The following TRPM6 variants were observed in gnomAD, a reference collection of about 807,000 sequenced individuals.
TRPM6 encodes the protein transient receptor potential cation channel subfamily M member 6.
A neutral mutation model predicts 247.6 loss-of-function variants in TRPM6; 111 were observed. The ratio of observed to expected loss-of-function variants is 0.45; its 90% confidence interval spans 0.38 to 0.52. TRPM6 has a LOEUF of 0.52. TRPM6 is among the 20% of genes least tolerant of loss of function. TRPM6 has a pLI of 0.00. For missense variants in TRPM6, 2,126 were observed against 2,421.5 expected, an observed-to-expected ratio of 0.88 and a Z score of 2.56; for synonymous variants, 892 against 853.8, an observed-to-expected ratio of 1.04 and a Z score of -0.78.
At chr9:74,862,849 CG>C (rs753663042) in intron 1 of TRPM6, among the ~76,000 whole-genome samples, 2 of 151,576 alleles carry the variant, frequency 1.3e-5, no homozygotes, top group Non-Finnish European at 2.9e-5. Flanking sequence ...GACGTGGTGT[CG>C]GGCGCCTATA....
intron 23 of TRPM6, among the ~76,000 whole-genome samples, chr9:74,776,327 C>A (rs542378698): frequency 2.0e-5 from 3 of 152,022 alleles, no homozygotes; most frequent in Admixed American, 2.0e-4. Flanking sequence ...AAAATGCCAA[C>A]ATTTTCAGTG....
chr9:74,728,476 C>T (rs1394513496), intron 37 of TRPM6, 131 bp from the exon 38 acceptor site: 1 of 700,160 alleles, frequency 1.4e-6, no homozygotes, highest in Non-Finnish European at 2.5e-6. Flanking sequence ...AAACAGAGCA[C>T]TTTGGGGAAA....
chr9:74,824,882 T>C (rs1587547140), intron 7 of TRPM6, among the ~76,000 whole-genome samples: 1 of 150,592 alleles, frequency 6.6e-6, no homozygotes, highest in East Asian at 1.9e-4. Context: ...ATAATGTGAG[T>C]CTTTTTTTTT....
intron 38 of TRPM6, among the ~76,000 whole-genome samples, chr9:74,727,130 C>T (rs1249462946): frequency 6.6e-6 from 1 of 152,052 alleles, no homozygotes; most frequent in Non-Finnish European, 1.5e-5. Flanking sequence ...ACCTGTAATC[C>T]CAGCACTTTG....
rs983293837 is a variant in TRPM6 at position 74,722,618 on chromosome 9, G to C, written c.*1995C>G. 2.6e-5 allele frequency: 4 copies of C among 152,176 alleles called. No individual in the cohort carries two copies. The highest frequency in any genetic ancestry group is 9.7e-5 in the African/African-American group (4 of 41,440). 9.4% of individuals were successfully genotyped at this position (152,176 alleles called of 1,614,324 possible). ...AAACTCTGCCTCTTTCCATAGTTGA[G>C]TGCAGCACTGAGGTGAGTACCAATT... is the stretch of plus-strand genomic sequence containing the variant. On this transcript the variant is annotated 3_prime_UTR_variant, in exon 39 of 39. Transcript: ENST00000360774.
chr9:74,750,968 C>A (rs1411643539), intron 29 of TRPM6, among the ~76,000 whole-genome samples: 1 of 152,118 alleles, frequency 6.6e-6, no homozygotes, highest in Non-Finnish European at 1.5e-5. Context: ...AGATATCAAA[C>A]AGAAAATGTA....
intron 23 of TRPM6, among the ~76,000 whole-genome samples, chr9:74,778,017 C>A (rs80179948): frequency 0.028 from 4,321 of 152,284 alleles, 191 homozygotes; most frequent in African/African-American, 0.093. Flanking sequence ...TACAAAATGC[C>A]GCTCAGCATG....
At chr9:74,852,344 C>A (rs1370890980) in intron 3 of TRPM6, among the ~76,000 whole-genome samples, 1 of 151,710 alleles carries the variant, frequency 6.6e-6, no homozygotes, top group African/African-American at 2.4e-5. Context: ...AGCATGTGCC[C>A]ACCACACTTA....
intron 3 of TRPM6, among the ~76,000 whole-genome samples, chr9:74,848,956 G>A (rs1379749979): frequency 6.6e-6 from 1 of 152,190 alleles, no homozygotes; most frequent in Non-Finnish European, 1.5e-5. Context: ...ACATGGTGGA[G>A]AAATGTGGCT....
At position 74,755,437 on chromosome 9, in the gene TRPM6, A is replaced by G. The variant is rs1181898654; in HGVS notation, c.4822T>C (p.Leu1608=). ...TVNACSQSDQ[L]NPEPGENSIS... is the part of the protein sequence containing the mutation. Reference sequence around the variant, plus strand: ...CTGTTTTCTCCTGGCTCTGGATTCAACTGGTCACTCTGAGAGCAGGCATTG... The same window carrying G: ...CTGTTTTCTCCTGGCTCTGGATTCAGCTGGTCACTCTGAGAGCAGGCATTG... Residue 1608 remains leucine (L), a synonymous_variant, in exon 28 of 39, where the codon TTG becomes CTG. Transcript: ENST00000360774. 2 of 1,614,046 alleles carry G rather than the reference A, an allele frequency of 1.2e-6. No homozygotes were observed. The highest frequency in any genetic ancestry group is 1.1e-5 in the South Asian group (1 of 91,084).
intron 20 of TRPM6, among the ~76,000 whole-genome samples, chr9:74,788,045 C>T (rs142901039): frequency 7.8e-4 from 118 of 151,886 alleles, no homozygotes; most frequent in African/African-American, 2.0e-3. Flanking sequence ...TAACTCATTA[C>T]GAACTAGAAA....
At chr9:74,783,305 A>G (rs1827528019) in intron 21 of TRPM6, among the ~76,000 whole-genome samples, 1 of 152,228 alleles carries the variant, frequency 6.6e-6, no homozygotes, top group Admixed American at 6.5e-5. Context: ...TCCATCTACT[A>G]AATGTACATC....
At chr9:74,837,974 C>T (rs1450440115) in intron 5 of TRPM6, among the ~76,000 whole-genome samples, 3 of 152,220 alleles carry the variant, frequency 2.0e-5, no homozygotes, top group Admixed American at 1.3e-4. Flanking sequence ...GTCTCGAACT[C>T]CTGAGCTCAG....
intron 37 of TRPM6, among the ~76,000 whole-genome samples, chr9:74,728,787 C>A (rs1001667895): frequency 3.9e-5 from 6 of 152,100 alleles, no homozygotes; most frequent in African/African-American, 1.4e-4. Flanking sequence ...TGTTTCAAAC[C>A]CAAATACTTT....
chr9:74,756,790 A>G (rs1217918342), intron 27 of TRPM6, among the ~76,000 whole-genome samples: 1 of 151,892 alleles, frequency 6.6e-6, no homozygotes, highest in Admixed American at 6.6e-5. Flanking sequence ...CAGAGGTTGC[A>G]ATAAGCTGAG....
chr9:74,855,655 T>C (rs780893673), intron 2 of TRPM6, 90 bp from the exon 3 acceptor site: 5 of 899,526 alleles, frequency 5.6e-6, no homozygotes, highest in Admixed American at 1.7e-5. Flanking sequence ...TTATTTTCCA[T>C]GATCTAGAAA....
At position 74,738,626 on chromosome 9, in the gene TRPM6, A is replaced by G. The variant is rs750923733; in HGVS notation, c.5571-14T>C. The G allele has an allele frequency of 1.9e-5, 30 of 1,612,846 alleles. No homozygotes were observed. The Admixed American group carries it at 5.0e-4, about 27-fold the overall frequency. ...ACTTCCAGGAACCTGTTAGGGAAAA[A>G]GAGGCCATTGATCCCCCACAATACA... On this transcript the variant is annotated splice_polypyrimidine_tract_variant and intron_variant, in intron 35 of 38. Transcript: ENST00000360774.
intron 11 of TRPM6, among the ~76,000 whole-genome samples, 186 bp downstream of exon 11, chr9:74,816,483 A>G (rs1335780455): frequency 6.6e-6 from 1 of 151,192 alleles, no homozygotes; most frequent in Non-Finnish European, 1.5e-5. Context: ...AAAAAAAAAA[A>G]AAAAAACAGA....
intron 38 of TRPM6, among the ~76,000 whole-genome samples, chr9:74,726,210 G>A (rs565913614): frequency 6.2e-4 from 94 of 152,266 alleles, no homozygotes; most frequent in Admixed American, 1.7e-3. Flanking sequence ...TAGATGTGGT[G>A]GAATTATTGA....
Sources: allele counts gnomAD v4.1 joint callset (sites outside exome capture counted in the v4.1 genomes callset), GRCh38; gene constraint gnomAD v4.1.1; transcripts MANE v1.5; gene names NCBI Gene and HGNC (gene_info 2026-07-23, HGNC 2026-07-21).